SHTN1: variants seen among roughly 807,000 people sequenced by gnomAD.
SHTN1 encodes shootin 1, also known as shootin-1.
In SHTN1, 42 loss-of-function variants were observed where a neutral mutation model predicts 83.1. The observed-to-expected ratio is 0.51, with a 90% CI of 0.39 to 0.65. The LOEUF is 0.65. SHTN1 is among the 30% of genes least tolerant of loss of function. SHTN1 has a pLI of 0.00. For synonymous variants in SHTN1, 224 were observed against 247.7 expected (o/e 0.90, Z 0.90); for missense variants, 622 against 737.8 (o/e 0.84, Z 1.82).
intron 11 of SHTN1, 52 bp downstream of exon 11, chr10:116,927,740 A>C: frequency 1.4e-6 from 2 of 1,456,690 alleles, no homozygotes; most frequent in Admixed American, 5.1e-5. Context: ...TTATGGCACA[A>C]TCTGATGGAG....
chr10:116,890,366 C>T (rs563882813), intron 16 of SHTN1, among the ~76,000 whole-genome samples: 59 of 152,240 alleles, frequency 3.9e-4, no homozygotes, highest in Non-Finnish European at 8.1e-4. Context: ...CCATGGTGAG[C>T]TAGTCTAACC....
chr10:117,054,215 C>T (rs1027436622), intron 1 of SHTN1, among the ~76,000 whole-genome samples: 5 of 152,034 alleles, frequency 3.3e-5, no homozygotes, highest in Non-Finnish European at 7.4e-5. Flanking sequence ...GGAGTTTAGA[C>T]ACAACAACTG....
At position 117,030,885 on chromosome 10, in the gene SHTN1, T is replaced by C. The variant is rs1022304392; in HGVS notation, c.-123+17560A>G. On this transcript the variant is annotated intron_variant, in intron 2 of 17. Transcript: ENST00000392901. ...TAGAAAATAGCCTCAAAAGGGCAAA[T>C]CTAAGAGTTATAGGTCTTAAAGAAG... Among the ~76,000 whole-genome samples the C allele has an allele frequency of 4.0e-5, 6 of 151,876 alleles. No individual in the cohort carries two copies. In the South Asian group the frequency reaches 1.0e-3, roughly 26 times the overall value.
At position 117,117,309 on chromosome 10, in the gene SHTN1, T is replaced by C. The variant is rs1433392086; in HGVS notation, c.-189+8998A>G. On this transcript the variant is annotated intron_variant, in intron 1 of 17. Transcript: ENST00000392901. ...ATCAAGAAAGCAATCCCACTTATAA[T>C]AGCAACAAAGAACATAAAATACTTA... Among the ~76,000 whole-genome samples the C allele has an allele frequency of 5.9e-5, 9 of 152,128 alleles. No homozygotes were observed. In the East Asian group the frequency reaches 1.4e-3, roughly 23 times the overall value.
chr10:116,882,891 G>A lies in SHTN1; in HGVS notation c.*3453C>T, dbSNP rs1249271416. On this transcript the variant is annotated 3_prime_UTR_variant, in exon 17 of 17. Coordinates refer to ENST00000355371, the MANE Select transcript of SHTN1 (RefSeq NM_001127211.3). ...CTCCTGATGCTTAGCAACAAGCAAC[G>A]GGTAGGAGAAACTGGAAGGAAAATT... 6.6e-6 allele frequency: 1 copy of A among 151,858 alleles called. No individual in the cohort carries two copies. Among genetic ancestry groups the A allele is most frequent in the Non-Finnish European group, 1.5e-5 (1 of 68,018 alleles). 9.4% of individuals were successfully genotyped at this position (151,858 alleles called of 1,614,324 possible).
At chr10:117,037,779 G>A (rs893728421) in intron 2 of SHTN1, among the ~76,000 whole-genome samples, 3 of 151,934 alleles carry the variant, frequency 2.0e-5, no homozygotes, top group Non-Finnish European at 2.9e-5. Flanking sequence ...AGGCCAAGAC[G>A]GGTGGATCAC....
chr10:117,117,194 T>C (rs1853861325), intron 1 of SHTN1, among the ~76,000 whole-genome samples: 3 of 152,076 alleles, frequency 2.0e-5, no homozygotes, highest in East Asian at 1.9e-4. Context: ...AAGACTGATA[T>C]ACAAATTCAA....
chr10:116,953,091 A>AT (rs1324302390), intron 5 of SHTN1, among the ~76,000 whole-genome samples: 1 of 152,180 alleles, frequency 6.6e-6, no homozygotes, highest in African/African-American at 2.4e-5. Context: ...TTTCTTCTTT[A>AT]TACTTCCAGT....
chr10:116,954,124 G>C lies in SHTN1; in HGVS notation c.354C>G (p.Asn118Lys). 1.9e-6 allele frequency: 3 copies of C among 1,613,608 alleles called. No individual in the cohort carries two copies. Among genetic ancestry groups the C allele is most frequent in the Non-Finnish European group, 2.5e-6 (3 of 1,179,678 alleles). ...LGPDVITEEI[N>K]IDDEDSTTDT... ...CTGTAGTCGAATCTTCATCATCAATGTTTATCTCTTCAGTTATTACATCTG... is the reference window on the plus strand; with the variant it reads ...CTGTAGTCGAATCTTCATCATCAATCTTTATCTCTTCAGTTATTACATCTG... The change falls in exon 5 of 17, where the codon AAC (asparagine) becomes AAG (lysine). Residue 118 changes from asparagine (N) to lysine (K), a missense_variant. By Grantham distance (94) the Asn-to-Lys change is moderately conservative. Transcript: ENST00000355371.
At chr10:116,915,891 A>G (rs1019166105) in intron 12 of SHTN1, among the ~76,000 whole-genome samples, 10 of 152,262 alleles carry the variant, frequency 6.6e-5, no homozygotes, top group African/African-American at 2.4e-4. Context: ...AGCCTAAAAA[A>G]GAAACAACTA....
chr10:117,077,612 A>C, intron 1 of SHTN1, among the ~76,000 whole-genome samples: 1 of 152,084 alleles, frequency 6.6e-6, no homozygotes, highest in East Asian at 1.9e-4. Flanking sequence ...ATATCTCCTA[A>C]TGCTATCTCT....
intron 1 of SHTN1, among the ~76,000 whole-genome samples, chr10:117,117,517 C>G (rs1180392543): frequency 6.6e-6 from 1 of 152,132 alleles, no homozygotes; most frequent in Non-Finnish European, 1.5e-5. Context: ...CAATGACATT[C>G]TTCACAGACA....
intron 1 of SHTN1, among the ~76,000 whole-genome samples, chr10:116,984,403 A>G (rs952857332): frequency 6.6e-6 from 1 of 152,254 alleles, no homozygotes; most frequent in Non-Finnish European, 1.5e-5. Flanking sequence ...CAGAACAGAC[A>G]GTTCCACTGG....
At chr10:116,903,158 A>G (rs1307276959) in intron 15 of SHTN1, among the ~76,000 whole-genome samples, 1 of 152,178 alleles carries the variant, frequency 6.6e-6, no homozygotes, top group Non-Finnish European at 1.5e-5. Flanking sequence ...TTCACAAAGC[A>G]TTAGTTTCTA....
intron 16 of SHTN1, among the ~76,000 whole-genome samples, chr10:116,899,092 C>G (rs771679890): frequency 6.6e-6 from 1 of 152,004 alleles, no homozygotes; most frequent in Non-Finnish European, 1.5e-5. Context: ...TATTGAAAGC[C>G]TACCATAAGG....
At chr10:116,966,254 C>T (rs889205164) in intron 3 of SHTN1, among the ~76,000 whole-genome samples, 6 of 152,124 alleles carry the variant, frequency 3.9e-5, no homozygotes, top group African/African-American at 1.4e-4. Context: ...ATGATCCACC[C>T]GCCTCGGCCT....
chr10:116,930,033 A>ATGGC (rs757418032), intron 9 of SHTN1, 31 bp from the exon 10 acceptor site: 1 of 1,440,070 alleles, frequency 6.9e-7, no homozygotes, highest in South Asian at 1.4e-5. Flanking sequence ...AAAGACTTTT[A>ATGGC]TGGCTGACAG....
At chr10:117,054,895 T>C (rs1474130609) in intron 1 of SHTN1, among the ~76,000 whole-genome samples, 1 of 152,158 alleles carries the variant, frequency 6.6e-6, no homozygotes, top group Admixed American at 6.6e-5. Context: ...TGTCTTTGTC[T>C]ATAACTCCTA....
At chr10:117,070,662 T>C (rs1853066397) in intron 1 of SHTN1, among the ~76,000 whole-genome samples, 1 of 151,250 alleles carries the variant, frequency 6.6e-6, no homozygotes, top group South Asian at 2.1e-4. Context: ...CTCAGGTTCT[T>C]GAGATCACGC....
Sources: gnomAD v4.1 joint callset for allele counts (sites outside exome capture counted in the v4.1 genomes callset) on GRCh38, gnomAD v4.1.1 for gene constraint, MANE v1.5 for transcripts, NCBI Gene and HGNC (gene_info 2026-07-23, HGNC 2026-07-21) for gene names.